STAB1: variants seen among roughly 807,000 people sequenced by gnomAD.
STAB1 encodes the protein stabilin-1.
Under a neutral mutation model 332.4 loss-of-function variants are expected in STAB1, and 250 were observed. The observed-to-expected ratio is 0.75, with a 90% confidence interval of 0.68 to 0.84. The LOEUF (loss-of-function observed/expected upper bound fraction) is 0.84. Among genes scored for constraint, STAB1 ranks in the 40% least tolerant of loss-of-function variants. The pLI, the probability that STAB1 is intolerant of heterozygous loss-of-function variation, is 0.00. For missense variants in STAB1, 3,249 were observed against 3,489.7 expected, an observed-to-expected ratio of 0.93 and a Z score of 1.74; for synonymous variants, 1,475 against 1,390.4, an observed-to-expected ratio of 1.06 and a Z score of -1.35.
At chr3:52,517,720 C>A in intron 44 of STAB1, 96 bp downstream of exon 44, 3 of 1,554,102 alleles carry the variant, frequency 1.9e-6, no homozygotes, top group Non-Finnish European at 2.6e-6. Flanking sequence ...TCCTAAGGGC[C>A]TCTGCAGGGT....
chr3:52,521,777 G>A, intron 57 of STAB1, 67 bp from the exon 58 acceptor site: 1 of 1,601,510 alleles, frequency 6.2e-7, no homozygotes, highest in East Asian at 2.2e-5. Flanking sequence ...CCAAGGGTGG[G>A]TGGAACGGGC....
rs1709006162 is a variant in STAB1 at position 52,508,027 on chromosome 3, G to T, written c.2148+1G>T. The T allele has an allele frequency of 6.2e-7, 1 of 1,613,052 alleles. No homozygotes were observed. On this transcript the variant is annotated splice_donor_variant, in intron 20 of 68. Transcript: ENST00000321725. LOFTEE classifies it high-confidence loss of function. Reference sequence around the variant, plus strand: ...CAGCTACTGCAACCAAACCATCATGGTAAGCGTGGGCATGGGTGCCCACTC... The same window carrying T: ...CAGCTACTGCAACCAAACCATCATGTTAAGCGTGGGCATGGGTGCCCACTC...
In STAB1 at chr3:52,516,388, G is replaced by A. The variant is rs749963984; in HGVS notation, c.4177G>A (p.Gly1393Arg). The change falls in exon 39 of 69, where the codon GGG (glycine) becomes AGG (arginine). Residue 1393 changes from glycine (G) to arginine (R), a missense_variant. Transcript: ENST00000321725. ...CDCAHGLCQE[G>R]LQGDGSCVCN... ...CTGTGCCCATGGGCTGTGCCAGGAG[G>A]GGCTGCAAGGGGACGGAAGCTGTGT... 6.2e-7 allele frequency: 1 copy of A among 1,609,904 alleles called. No individual in the cohort carries two copies. Among genetic ancestry groups the A allele is most frequent in the Admixed American group, 1.7e-5 (1 of 59,872 alleles).
In STAB1 at chr3:52,521,382, G is replaced by A. The variant is rs201019873; in HGVS notation, c.5930G>A (p.Ser1977Asn). 4.0e-5 allele frequency: 65 copies of A among 1,613,966 alleles called. No individual in the cohort carries two copies. The Admixed American group carries it at 9.0e-4, about 22-fold the overall frequency. Reference sequence around the variant, plus strand: ...CCAGCTTGCCCTGGCGGCCCCAGCAGCCCTTGTAGTGACCGTGGCGTGTGC... The same window carrying A: ...CCAGCTTGCCCTGGCGGCCCCAGCAACCCTTGTAGTGACCGTGGCGTGTGC... Reference protein sequence around the residue: ...ECQACPGGPSSPCSDRGVCMD... With the variant: ...ECQACPGGPSNPCSDRGVCMD... Residue 1977 changes from serine to asparagine, a missense_variant, in exon 56 of 69, where the codon AGC becomes AAC. Physicochemically the swap from Ser to Asn is conservative, Grantham distance 46. Transcript: ENST00000321725.
chr3:52,506,809 C>T lies in STAB1; in HGVS notation c.1948C>T (p.Leu650=). Residue 650 remains leucine, a synonymous_variant, in exon 18 of 69, where the codon CTG becomes TTG. Coordinates refer to ENST00000321725, the MANE Select transcript of STAB1 (RefSeq NM_015136.3). ...GCTGCCCCCGACCATCCTGCCCATC[C>T]TGCCCAAGCACTGCAGCGAGGAGCA... ...ILLPPTILPI[L]PKHCSEEQHK... 6.2e-7 allele frequency: 1 copy of T among 1,613,230 alleles called. No individual in the cohort carries two copies. Among genetic ancestry groups the T allele is most frequent in the Non-Finnish European group, 8.5e-7 (1 of 1,179,972 alleles).
chr3:52,522,974 C>A, intron 62 of STAB1, 34 bp downstream of exon 62: 2 of 1,602,896 alleles, frequency 1.2e-6, no homozygotes, highest in Non-Finnish European at 1.7e-6. Context: ...ACTTCCCCTG[C>A]TCTGCCCCTT....
At chr3:52,507,519 C>T (rs1708964843) in intron 18 of STAB1, 94 bp from the exon 19 acceptor site, 4 of 1,346,974 alleles carry the variant, frequency 3.0e-6, no homozygotes, top group Non-Finnish European at 4.1e-6. Context: ...CTCTTCTCAT[C>T]CCTTAATCCC....
chr3:52,519,018 C>T, intron 48 of STAB1, 149 bp downstream of exon 48: 1 of 1,122,586 alleles, frequency 8.9e-7, no homozygotes, highest in African/African-American at 1.6e-5. Flanking sequence ...GGGACTCCGC[C>T]CTTGACCTGG....
chr3:52,502,867 C>A, intron 6 of STAB1, 132 bp from the exon 7 acceptor site: 1 of 1,207,280 alleles, frequency 8.3e-7, no homozygotes, highest in Non-Finnish European at 1.2e-6. Flanking sequence ...TCATCTGAGA[C>A]CTCCACTGTC....
At chr3:52,511,879 T>A in intron 26 of STAB1, 134 bp downstream of exon 26, 1 of 731,504 alleles carries the variant, frequency 1.4e-6, no homozygotes, top group East Asian at 2.8e-5. Flanking sequence ...AAACTTCAAA[T>A]CCAACCATGT....
Position 52,521,966 on chromosome 3 carries a change from G to A in STAB1, c.6271+15G>A, listed in dbSNP as rs766126320. 11 of 1,606,386 alleles carry A rather than the reference G, an allele frequency of 6.8e-6. No individual in the cohort carries two copies. In the East Asian group the frequency reaches 1.3e-4, roughly 20 times the overall value. On this transcript the variant is annotated intron_variant, in intron 58 of 68. Transcript: ENST00000321725. ...TGTGTGTACAGGTAAGCAGATGGGC[G>A]GGGACATGGAGGTGGGAGGCCCCCA...
rs377274113 is a variant in STAB1, at chr3:52,519,493, G to A, written c.5176-12G>A. The A allele has an allele frequency of 4.3e-6, 7 of 1,613,118 alleles. No homozygotes were observed. The African/African-American group carries it at 6.7e-5, about 15-fold the overall frequency. ...CCGCCTGGCCTAGCTGTTTATGAGAGCCTTTCCTCAGAGAAATGTCACCGC... is the reference window on the plus strand; with the variant it reads ...CCGCCTGGCCTAGCTGTTTATGAGAACCTTTCCTCAGAGAAATGTCACCGC... On this transcript the variant is annotated splice_polypyrimidine_tract_variant and intron_variant, in intron 49 of 68. Transcript: ENST00000321725.
chr3:52,518,657 G>C, intron 47 of STAB1, 44 bp downstream of exon 47: 1 of 1,611,540 alleles, frequency 6.2e-7, no homozygotes, highest in Non-Finnish European at 8.5e-7. Context: ...TGGGTGCTCT[G>C]GTGGTGGCCC....
intron 27 of STAB1, 39 bp downstream of exon 27, chr3:52,512,475 C>G (rs1426385941): frequency 6.2e-7 from 1 of 1,608,580 alleles, no homozygotes; most frequent in African/African-American, 1.3e-5. Context: ...CTTCCCCGTG[C>G]TTGGGAAGGA....
Position 52,510,393 on chromosome 3 carries a change from C to G in STAB1, c.2673C>G (p.Cys891Trp). Residue 891 changes from cysteine to tryptophan, a missense_variant, in exon 25 of 69, where the codon TGC becomes TGG. By Grantham distance (215) the Cys-to-Trp change is radical. Coordinates refer to ENST00000321725, the MANE Select transcript of STAB1 (RefSeq NM_015136.3). ...CCCTGGGCACCCACCACTGCACATG[C>G]CACAAAGGCTGGAGTGGGGATGGCC... is the stretch of plus-strand genomic sequence containing the variant. The part of the protein sequence containing the change: ...PGSLGTHHCT[C>W]HKGWSGDGRV... The G allele has an allele frequency of 6.2e-7, 1 of 1,614,088 alleles. No individual in the cohort carries two copies. Among genetic ancestry groups the G allele is most frequent in the East Asian group, 2.2e-5 (1 of 44,886 alleles).
In STAB1 at chr3:52,507,665, G is replaced by C. The variant is rs758603748; in HGVS notation, c.2042G>C (p.Ser681Thr). ...AACACCAGCACGTGTCCCCCCAACAGTGTGAAGCTGGTGAGCACACCTTGG... is the reference window on the plus strand; with the variant it reads ...AACACCAGCACGTGTCCCCCCAACACTGTGAAGCTGGTGAGCACACCTTGG... Reference protein sequence around the residue: ...ALNTSTCPPNSVKLDIFPKEC... With the variant: ...ALNTSTCPPNTVKLDIFPKEC... Residue 681 changes from serine (S) to threonine (T), a missense_variant, in exon 19 of 69, where the codon AGT (serine) becomes ACT (threonine). Coordinates refer to ENST00000321725, the MANE Select transcript of STAB1 (RefSeq NM_015136.3). The C allele has an allele frequency of 6.2e-7, 1 of 1,613,630 alleles. No homozygotes were observed. Among genetic ancestry groups the C allele is most frequent in the Non-Finnish European group, 8.5e-7 (1 of 1,180,010 alleles).
intron 1 of STAB1, among the ~76,000 whole-genome samples, chr3:52,496,411 A>G (rs976966618): frequency 1.3e-5 from 2 of 152,198 alleles, no homozygotes; most frequent in African/African-American, 4.8e-5. Context: ...TAAAGTCCAG[A>G]GCGGGGAGGA....
At chr3:52,504,246 T>C (rs988335882) in intron 10 of STAB1, 91 bp downstream of exon 10, 4 of 1,517,618 alleles carry the variant, frequency 2.6e-6, no homozygotes, top group Admixed American at 2.0e-5. Flanking sequence ...GATTCCAGTT[T>C]CTCTGCCCAG....
At position 52,504,822 on chromosome 3, in the gene STAB1, A is replaced by G; in HGVS notation, c.1323A>G (p.Arg441=). 1.2e-6 allele frequency: 2 copies of G among 1,613,812 alleles called. No homozygotes were observed. The highest frequency in any genetic ancestry group is 1.7e-6 in the Non-Finnish European group (2 of 1,180,008). The change falls in exon 12 of 69, where the codon CGA becomes CGG. Residue 441 remains arginine, a synonymous_variant. Coordinates refer to ENST00000321725, the MANE Select transcript of STAB1 (RefSeq NM_015136.3). ...AGGACACAAGGACCCAACAAACACGAAGGTGGTGGACGCTGGCCGGGCAGG... is the reference window on the plus strand; with the variant it reads ...AGGACACAAGGACCCAACAAACACGGAGGTGGTGGACGCTGGCCGGGCAGG... ...ILEDTRTQQT[R]RWWTLAGQEI...
Sources: gnomAD v4.1 joint callset for allele counts (sites outside exome capture counted in the v4.1 genomes callset) on GRCh38, gnomAD v4.1.1 for gene constraint, MANE v1.5 for transcripts, NCBI Gene and HGNC (gene_info 2026-07-23, HGNC 2026-07-21) for gene names.